Variants in PCDHGA5 observed in about 807,000 individuals in gnomAD.
PCDHGA5 encodes the protein protocadherin gamma subfamily A, 5.
In PCDHGA5, 36 loss-of-function variants were observed where a neutral mutation model predicts 56.7. The observed-to-expected ratio is 0.64, with a 90% confidence interval of 0.49 to 0.84. The LOEUF (loss-of-function observed/expected upper bound fraction) is 0.84, where lower values mean the gene tolerates loss of function less well. PCDHGA5 is among the 40% of genes least tolerant of loss of function. PCDHGA5 has a pLI of 0.00. For missense variants in PCDHGA5, 1,305 were observed against 1,201.5 expected, an observed-to-expected ratio of 1.09 and a Z score of -1.27; for synonymous variants, 563 against 520.2, an observed-to-expected ratio of 1.08 and a Z score of -1.12.
intron 1 of PCDHGA5, chr5:141,399,174 T>G: frequency 1.2e-6 from 2 of 1,613,818 alleles, no homozygotes; most frequent in Non-Finnish European, 1.7e-6. Context: ...ATTCTCTACT[T>G]GAAATGATTC....
Position 141,418,384 on chromosome 5 carries a change from C to T in PCDHGA5, c.2421+51633C>T, listed in dbSNP as rs774636792. 5 of 1,613,982 alleles carry T rather than the reference C, an allele frequency of 3.1e-6. No homozygotes were observed. In the South Asian group the frequency reaches 4.4e-5, roughly 14 times the overall value. ...TGAGCAAATACCAACTAAGTCCTAA[C>T]GAGTATTTCTCATTGGTGGAGAAAG... is the stretch of plus-strand genomic sequence containing the variant. On this transcript the variant is annotated intron_variant, in intron 1 of 3. Coordinates refer to ENST00000518069, the MANE Select transcript of PCDHGA5 (RefSeq NM_018918.3).
intron 1 of PCDHGA5, among the ~76,000 whole-genome samples, chr5:141,443,537 T>C (rs986467958): frequency 6.6e-6 from 1 of 152,180 alleles, no homozygotes; most frequent in African/African-American, 2.4e-5. Flanking sequence ...ATTTAAAGCT[T>C]GGGAAATTGT....
chr5:141,493,346 C>T lies in PCDHGA5; in HGVS notation c.2422-1461C>T, dbSNP rs766845200. Among the ~76,000 whole-genome samples, 5 of 152,172 alleles carry T rather than the reference C, an allele frequency of 3.3e-5. No individual in the cohort carries two copies. Among genetic ancestry groups the T allele is most frequent in the Non-Finnish European group, 7.3e-5 (5 of 68,028 alleles). On this transcript the variant is annotated intron_variant, in intron 1 of 3. Coordinates refer to ENST00000518069, the MANE Select transcript of PCDHGA5 (RefSeq NM_018918.3). The surrounding 1 kb of genome is among the most constrained non-coding windows in gnomAD (Gnocchi z 4.3). Reference sequence around the variant, plus strand: ...CCCCTGTCTAACTCCAGAATGTGTGCTTTTAATTTCTTGGCACTTGGAACT... The same window carrying T: ...CCCCTGTCTAACTCCAGAATGTGTGTTTTTAATTTCTTGGCACTTGGAACT...
At chr5:141,419,623 G>A in intron 1 of PCDHGA5, 1 of 1,612,328 alleles carries the variant, frequency 6.2e-7, no homozygotes, top group East Asian at 2.2e-5. Context: ...GCTACCTGGT[G>A]ACCAAGGTGG....
chr5:141,481,913 CAAAAAAAA>C (rs34114744), intron 1 of PCDHGA5, among the ~76,000 whole-genome samples: 1 of 90,852 alleles, frequency 1.1e-5, no homozygotes, highest in African/African-American at 4.2e-5. Flanking sequence ...AACTCCATCT[CAAAAAAAA>C]AAAAAAAAAA....
rs756243026 is a variant in PCDHGA5, at chr5:141,487,478, T to C, written c.2422-7329T>C. On this transcript the variant is annotated intron_variant, in intron 1 of 3. Transcript: ENST00000518069. This position sits in a 1 kb window ranked among gnomAD's most constrained non-coding sequence, Gnocchi z 5.0. ...CAAGTTTGTTGATGTGGGAGGCCAC[T>C]CTCATGGCTGTACACCCTTGGCTTC... is the stretch of plus-strand genomic sequence containing the variant. 6 of 1,614,078 alleles carry C rather than the reference T, an allele frequency of 3.7e-6. No individual in the cohort carries two copies. In the Admixed American group the frequency reaches 1.0e-4, roughly 27 times the overall value.
intron 1 of PCDHGA5, among the ~76,000 whole-genome samples, chr5:141,464,689 TATTATGA>T (rs1378742227): frequency 4.6e-5 from 7 of 152,182 alleles, no homozygotes; most frequent in Admixed American, 2.6e-4. Context: ...AAATTTCTCT[TATTATGA>T]ATGAGGTTAA....
intron 1 of PCDHGA5, chr5:141,400,093 C>G (rs1225718379): frequency 1.2e-6 from 2 of 1,614,094 alleles, no homozygotes; most frequent in Non-Finnish European, 1.7e-6. Context: ...CACCGCCACG[C>G]TGCACTTGGT....
At chr5:141,403,949 G>C (rs1167033357) in intron 1 of PCDHGA5, 2 of 1,613,886 alleles carry the variant, frequency 1.2e-6, no homozygotes, top group Non-Finnish European at 1.7e-6. Flanking sequence ...GTGGACAAAA[G>C]TGCTCATTTC....
chr5:141,388,448 C>CA, intron 1 of PCDHGA5: 1 of 1,613,760 alleles, frequency 6.2e-7, no homozygotes, highest in Non-Finnish European at 8.5e-7. Context: ...AATCAGATGG[C>CA]AGTAAATACC....
chr5:141,468,039 A>G (rs1007212946), intron 1 of PCDHGA5, among the ~76,000 whole-genome samples: 21 of 152,262 alleles, frequency 1.4e-4, no homozygotes, highest in African/African-American at 5.1e-4. Context: ...CATTTAGAAA[A>G]CTAAGCCGGG....
chr5:141,430,595 G>A (rs549786394), intron 1 of PCDHGA5: 28 of 567,134 alleles, frequency 4.9e-5, no homozygotes, highest in African/African-American at 3.8e-4. Flanking sequence ...CCTTGCACGC[G>A]CCTGAAGCAC....
intron 1 of PCDHGA5, chr5:141,375,707 C>T (rs1483627086): frequency 1.1e-5 from 17 of 1,614,146 alleles, no homozygotes; most frequent in Non-Finnish European, 1.3e-5. Context: ...GGACCCGCCT[C>T]TTAGCAGCAA....
chr5:141,483,916 A>C (rs1377841777), intron 1 of PCDHGA5, among the ~76,000 whole-genome samples: 1 of 144,996 alleles, frequency 6.9e-6, no homozygotes, highest in African/African-American at 2.5e-5. Flanking sequence ...TCCCACTCAG[A>C]TTGCAGGTCG....
At chr5:141,379,501 T>C (rs969965140) in intron 1 of PCDHGA5, 7 of 152,268 alleles carry the variant, frequency 4.6e-5, no homozygotes, top group Non-Finnish European at 8.8e-5. Context: ...CAATTTGGGA[T>C]GTTAAACTAC....
intron 1 of PCDHGA5, chr5:141,399,261 T>G: frequency 1.2e-6 from 2 of 1,613,918 alleles, no homozygotes; most frequent in Non-Finnish European, 1.7e-6. Context: ...ATGGGGAGGT[T>G]AATTGTCAAT....
In PCDHGA5 at chr5:141,366,466, G is replaced by C. The variant is rs774389587; in HGVS notation, c.2136G>C (p.Leu712=). 9 of 1,614,110 alleles carry C rather than the reference G, an allele frequency of 5.6e-6. No individual in the cohort carries two copies. The South Asian group carries it at 9.9e-5, about 18-fold the overall frequency. Reference sequence around the variant, plus strand: ...TCCTGGCCTTCGTCATCGTGCTGCTGGTGCTCAGACTGAGGCGCTGGCACA... The same window carrying C: ...TCCTGGCCTTCGTCATCGTGCTGCTCGTGCTCAGACTGAGGCGCTGGCACA... ...CVFLAFVIVL[L]VLRLRRWHKS... is the part of the protein sequence containing the mutation. The change falls in exon 1 of 4, where the codon CTG becomes CTC. Residue 712 remains leucine (L), a synonymous_variant. Coordinates refer to ENST00000518069, the MANE Select transcript of PCDHGA5 (RefSeq NM_018918.3).
intron 1 of PCDHGA5, chr5:141,370,520 CA>C: frequency 6.2e-7 from 1 of 1,613,870 alleles, no homozygotes; most frequent in Non-Finnish European, 8.5e-7. Flanking sequence ...AGGAGCTGGA[CA>C]GGGGCTCGCT....
In PCDHGA5 at chr5:141,486,043, A is replaced by G. The variant is rs1193580610; in HGVS notation, c.2422-8764A>G. 6.2e-7 allele frequency: 1 copy of G among 1,614,050 alleles called. No homozygotes were observed. Among genetic ancestry groups the G allele is most frequent in the African/African-American group, 1.3e-5 (1 of 74,918 alleles). ...GTGGTCATACCCCTGATCGTGTAAG[A>G]AACCTCTTTAGCCTGCACCCCACTA... On this transcript the variant is annotated intron_variant, in intron 1 of 3. Transcript: ENST00000518069. This position sits in a 1 kb window ranked among gnomAD's most constrained non-coding sequence, Gnocchi z 5.0.
Sources: allele counts gnomAD v4.1 joint callset (sites outside exome capture counted in the v4.1 genomes callset), GRCh38; gene constraint gnomAD v4.1.1; non-coding constraint Gnocchi (gnomAD v3.1); transcripts MANE v1.5; gene names NCBI Gene and HGNC (gene_info 2026-07-23, HGNC 2026-07-21).